NAV3: variants seen among roughly 807,000 people sequenced by gnomAD.
The protein encoded by NAV3 is neuron navigator 3.
NAV3 carries 87 observed loss-of-function variants against 244.7 expected under a neutral mutation model. The observed-to-expected ratio is 0.36, with a 90% CI of 0.30 to 0.42. The LOEUF is 0.42. Among genes scored for constraint, NAV3 ranks in the 20% least tolerant of loss-of-function variants. The pLI is 1.00. For missense variants in NAV3, 2,663 were observed against 2,893.3 expected (o/e 0.92, Z 1.83); for synonymous variants, 1,126 against 1,042.2 (o/e 1.08, Z -1.55).
chr12:78,047,165 T>C (rs1261274070), intron 9 of NAV3, among the ~76,000 whole-genome samples: 1 of 152,090 alleles, frequency 6.6e-6, no homozygotes, highest in Non-Finnish European at 1.5e-5. Flanking sequence ...TGGCTGGATA[T>C]GAAATTCTGG....
At chr12:78,077,684 T>G (rs1953121128) in intron 12 of NAV3, among the ~76,000 whole-genome samples, 1 of 152,190 alleles carries the variant, frequency 6.6e-6, no homozygotes, top group African/African-American at 2.4e-5. Context: ...ATGCCTATAA[T>G]CCCAGCACTT....
At chr12:77,918,098 C>A (rs1294573676) in intron 1 of NAV3, among the ~76,000 whole-genome samples, 1 of 152,004 alleles carries the variant, frequency 6.6e-6, no homozygotes, top group Non-Finnish European at 1.5e-5. Context: ...GAGTTTATAC[C>A]TAAAGAACAA....
chr12:77,969,304 T>C (rs539021347), intron 5 of NAV3, among the ~76,000 whole-genome samples: 4 of 152,014 alleles, frequency 2.6e-5, no homozygotes, highest in Non-Finnish European at 5.9e-5. Flanking sequence ...TCCATTATTA[T>C]TATTTTTTTC....
At chr12:77,846,792 T>TTTAG (rs146762950) in intron 1 of NAV3, among the ~76,000 whole-genome samples, 1,813 of 152,328 alleles carry the variant, frequency 0.012, 28 homozygotes, top group African/African-American at 0.041. Context: ...CTTCAGAGGT[T>TTTAG]TTATTCAAAG....
intron 2 of NAV3, among the ~76,000 whole-genome samples, chr12:77,594,045 T>G (rs1870050974): frequency 6.6e-6 from 1 of 152,168 alleles, no homozygotes; most frequent in African/African-American, 2.4e-5. Context: ...GTCTACTTAA[T>G]GCCAATGACT....
At position 78,073,223 on chromosome 12, in the gene NAV3, A is replaced by G. The variant is rs1223155571; in HGVS notation, c.2636+14108A>G. 2.5e-3 allele frequency among the ~76,000 whole-genome samples: 340 copies of G among 134,600 alleles called. 3 individuals carry two copies. Among genetic ancestry groups the G allele is most frequent in the African/African-American group, 9.0e-3 (326 of 36,360 alleles). The allele number at this position is 134,600 out of a possible 152,430, so 88.3% of individuals were successfully genotyped here. ...AGGAGAAGGAAATAAAGGGTATTCA[A>G]TTAGGAAAAGAGGAAGTCAAATTGT... is the stretch of plus-strand genomic sequence containing the variant. On this transcript the variant is annotated intron_variant, in intron 12 of 39. Transcript: ENST00000397909.
chr12:77,612,361 A>G lies in NAV3; in HGVS notation c.72+40095A>G, dbSNP rs1870955114. Among the ~76,000 whole-genome samples, 5 of 152,140 alleles carry G rather than the reference A, an allele frequency of 3.3e-5. No homozygotes were observed. The South Asian group carries it at 1.0e-3, about 32-fold the overall frequency. On this transcript the variant is annotated intron_variant, in intron 2 of 8. Coordinates refer to the NAV3 transcript ENST00000550042. Reference sequence around the variant, plus strand: ...TAAATATTTGATCCATTGCTGGATAAATCTGTAATTTCCAGGCAGAGGTAC... The same window carrying G: ...TAAATATTTGATCCATTGCTGGATAGATCTGTAATTTCCAGGCAGAGGTAC...
intron 2 of NAV3, among the ~76,000 whole-genome samples, chr12:77,620,823 C>A (rs962718068): frequency 1.7e-4 from 26 of 152,086 alleles, no homozygotes; most frequent in African/African-American, 6.0e-4. Context: ...TACAAAAAGA[C>A]AATATTTTGG....
At chr12:77,814,979 G>A (rs1053819949) in intron 2 of NAV3, among the ~76,000 whole-genome samples, 1 of 152,124 alleles carries the variant, frequency 6.6e-6, no homozygotes, top group Admixed American at 6.6e-5. Flanking sequence ...CACTGTTCAT[G>A]GAGGAATCTT....
intron 1 of NAV3, among the ~76,000 whole-genome samples, chr12:77,892,605 T>A (rs758136055): frequency 2.2e-4 from 33 of 152,008 alleles, no homozygotes; most frequent in Admixed American, 1.1e-3. Context: ...TTAGTCAAGA[T>A]GGGGTTTCAC....
intron 12 of NAV3, among the ~76,000 whole-genome samples, chr12:78,080,268 T>C (rs1439194425): frequency 6.6e-6 from 1 of 152,168 alleles, no homozygotes; most frequent in African/African-American, 2.4e-5. Flanking sequence ...AATGAAAGTA[T>C]CATGTCCCCT....
intron 12 of NAV3, among the ~76,000 whole-genome samples, chr12:78,073,103 A>C (rs1179166984): frequency 8.5e-5 from 11 of 129,784 alleles, no homozygotes; most frequent in Non-Finnish European, 1.8e-4. Flanking sequence ...AAAAACTGGA[A>C]GCATTCCCTT....
intron 2 of NAV3, among the ~76,000 whole-genome samples, chr12:77,795,968 G>T (rs533667832): frequency 6.6e-6 from 1 of 152,154 alleles, no homozygotes; most frequent in South Asian, 2.1e-4. Flanking sequence ...TAATTCCGCA[G>T]CTCTGAAAGA....
chr12:77,650,659 A>G (rs1398936713), intron 2 of NAV3, among the ~76,000 whole-genome samples: 3 of 152,162 alleles, frequency 2.0e-5, no homozygotes, highest in African/African-American at 7.2e-5. Flanking sequence ...TTTAAAAACT[A>G]TGTATATTAT....
intron 20 of NAV3, among the ~76,000 whole-genome samples, chr12:78,142,971 G>A (rs540541531): frequency 6.6e-6 from 1 of 152,066 alleles, no homozygotes; most frequent in Non-Finnish European, 1.5e-5. Flanking sequence ...AAAACATGAG[G>A]AGTCATTCTT....
chr12:77,577,217 G>A (rs1869130184), intron 2 of NAV3, among the ~76,000 whole-genome samples: 1 of 152,070 alleles, frequency 6.6e-6, no homozygotes, highest in Non-Finnish European at 1.5e-5. Flanking sequence ...ACTTCTATAA[G>A]ATGATTCCAC....
At chr12:77,833,083 C>A (rs901968549) in intron 1 of NAV3, among the ~76,000 whole-genome samples, 7 of 152,182 alleles carry the variant, frequency 4.6e-5, no homozygotes, top group Non-Finnish European at 1.0e-4. Context: ...TTCATAAAGT[C>A]TTTGCTAGCT....
At chr12:77,983,254 G>C (rs984452058) in intron 5 of NAV3, among the ~76,000 whole-genome samples, 1 of 152,128 alleles carries the variant, frequency 6.6e-6, no homozygotes, top group South Asian at 2.1e-4. Context: ...TTTGGGCAGG[G>C]GAATAGGGAT....
At chr12:77,931,252 T>C (rs1043082209) in intron 1 of NAV3, among the ~76,000 whole-genome samples, 11 of 152,150 alleles carry the variant, frequency 7.2e-5, no homozygotes. Context: ...ATCATATTTT[T>C]AATTTACAAA....
Sources: allele counts gnomAD v4.1 joint callset (sites outside exome capture counted in the v4.1 genomes callset), GRCh38; gene constraint gnomAD v4.1.1; transcripts MANE v1.5; gene names NCBI Gene and HGNC (gene_info 2026-07-23, HGNC 2026-07-21).